TUNAR: variants seen among roughly 807,000 people sequenced by gnomAD.
The protein encoded by TUNAR is protein TUNAR.
chr14:95,903,993 G>T (rs764365933), intron 2 of TUNAR, among the ~76,000 whole-genome samples: 1 of 152,240 alleles, frequency 6.6e-6, no homozygotes, highest in Non-Finnish European at 1.5e-5. Flanking sequence ...TGTAAGGCTG[G>T]CCCAGGAACT....
At chr14:95,904,611 G>C (rs1056525732) in intron 2 of TUNAR, among the ~76,000 whole-genome samples, 7 of 152,206 alleles carry the variant, frequency 4.6e-5, no homozygotes, top group African/African-American at 1.7e-4. Context: ...GCCACACTGT[G>C]TACTGGTAAA....
chr14:95,892,013 G>A (rs767138151), intron 2 of TUNAR, among the ~76,000 whole-genome samples: 1 of 152,180 alleles, frequency 6.6e-6, no homozygotes, highest in African/African-American at 2.4e-5. Flanking sequence ...TTAGTCATTG[G>A]GTTTACTCAC....
rs767517625 is a variant in TUNAR, at chr14:95,885,590, G to C, written c.12+8413G>C. Among the ~76,000 whole-genome samples, 3 of 152,120 alleles carry C rather than the reference G, an allele frequency of 2.0e-5. No homozygotes were observed. The East Asian group carries it at 5.8e-4, about 29-fold the overall frequency. ...CACAGAGGCCTGTTTATTGGGGAGAGGGTACTGTGTTATAGGTCTGTAGAG... is the reference window on the plus strand; with the variant it reads ...CACAGAGGCCTGTTTATTGGGGAGACGGTACTGTGTTATAGGTCTGTAGAG... On this transcript the variant is annotated intron_variant, in intron 2 of 2. Transcript: ENST00000678517.
intron 2 of TUNAR, among the ~76,000 whole-genome samples, chr14:95,900,359 C>CT (rs372219503): frequency 2.7e-4 from 41 of 152,266 alleles, no homozygotes; most frequent in African/African-American, 9.4e-4. Context: ...CTCGGGGGAA[C>CT]TGAGGCAGAC....
At chr14:95,876,925 C>G (rs1888891527) in exon 2 of TUNAR, 1 of 152,268 alleles carries the variant, frequency 6.6e-6, no homozygotes, top group African/African-American at 2.4e-5. Flanking sequence ...GACCAGCAGG[C>G]TGCGCGCACA....
intron 2 of TUNAR, among the ~76,000 whole-genome samples, chr14:95,910,951 C>G (rs577297342): frequency 6.6e-6 from 1 of 152,342 alleles, no homozygotes; most frequent in East Asian, 1.9e-4. Context: ...ATTTTACTTA[C>G]TGTGGTTTGA....
intron 2 of TUNAR, among the ~76,000 whole-genome samples, chr14:95,890,054 G>T (rs902173383): frequency 1.5e-4 from 23 of 152,124 alleles, no homozygotes; most frequent in African/African-American, 5.3e-4. Context: ...AGGCTGGAAG[G>T]CAGTGGCTAT....
chr14:95,919,444 C>G (rs1889656403), intron 2 of TUNAR, among the ~76,000 whole-genome samples: 1 of 152,228 alleles, frequency 6.6e-6, no homozygotes, highest in African/African-American at 2.4e-5. Flanking sequence ...CATGGTGGCT[C>G]ACACTTATGA....
intron 2 of TUNAR, among the ~76,000 whole-genome samples, chr14:95,883,411 C>G (rs1889013881): frequency 6.6e-6 from 1 of 152,174 alleles, no homozygotes; most frequent in African/African-American, 2.4e-5. Context: ...CCAACACACA[C>G]CATCATCCTT....
intron 2 of TUNAR, among the ~76,000 whole-genome samples, chr14:95,892,557 G>T (rs1259805916): frequency 1.3e-5 from 2 of 152,238 alleles, no homozygotes; most frequent in South Asian, 2.1e-4. Flanking sequence ...TGGGGAAGTG[G>T]CATGGAGCTT....
intron 2 of TUNAR, among the ~76,000 whole-genome samples, chr14:95,898,312 T>G (rs1889296085): frequency 6.6e-6 from 1 of 152,236 alleles, no homozygotes; most frequent in South Asian, 2.1e-4. Context: ...ATAAGAATTC[T>G]TCTTCATTCA....
At chr14:95,922,599 C>T (rs150575714) in intron 2 of TUNAR, among the ~76,000 whole-genome samples, 182 bp from the exon 2 acceptor site, 2 of 152,296 alleles carry the variant, frequency 1.3e-5, no homozygotes, top group African/African-American at 2.4e-5. Flanking sequence ...ACCAATTAGC[C>T]GTGTTCTGCC....
chr14:95,881,886 A>G (rs1412093307), intron 2 of TUNAR, among the ~76,000 whole-genome samples: 1 of 152,144 alleles, frequency 6.6e-6, no homozygotes, highest in Non-Finnish European at 1.5e-5. Flanking sequence ...TGCTAACGAT[A>G]CTCAGGCTGG....
chr14:95,907,555 G>C (rs372250009), intron 2 of TUNAR, among the ~76,000 whole-genome samples: 1 of 152,144 alleles, frequency 6.6e-6, no homozygotes. Flanking sequence ...TTCTTGTCCG[G>C]CATCCAGGAA....
chr14:95,916,892 C>T (rs1042307386), intron 2 of TUNAR, among the ~76,000 whole-genome samples: 4 of 152,240 alleles, frequency 2.6e-5, no homozygotes, highest in South Asian at 2.1e-4. Flanking sequence ...AGCTTCTTTA[C>T]GGCTGTTTAC....
At chr14:95,923,516 T>G (rs1236856183) in exon 3 of TUNAR, 1 of 152,220 alleles carries the variant, frequency 6.6e-6, no homozygotes, top group Non-Finnish European at 1.5e-5. Context: ...GTGTATCTGT[T>G]CATGTCAAGG....
chr14:95,924,544 G>A (rs1394286629), exon 3 of TUNAR: 1 of 152,468 alleles, frequency 6.6e-6, no homozygotes, highest in Non-Finnish European at 1.5e-5. Flanking sequence ...AAAGAAAGAG[G>A]TTTATTGGAC....
In TUNAR at chr14:95,895,400, T is replaced by C. The variant is rs755234268; in HGVS notation, c.12+18223T>C. ...GACCTGAGTTCCAGCAAATCACACA[T>C]GTGTGCATGTTGTTAGAGTGTGTGT... is the stretch of plus-strand genomic sequence containing the variant. On this transcript the variant is annotated intron_variant, in intron 2 of 2. Coordinates refer to ENST00000678517, the Ensembl canonical transcript of TUNAR. This position sits in a 1 kb window ranked among gnomAD's most constrained non-coding sequence, Gnocchi z 4.5. Among the ~76,000 whole-genome samples, 8 of 151,986 alleles carry C rather than the reference T, an allele frequency of 5.3e-5. No homozygotes were observed. The highest frequency in any genetic ancestry group is 1.2e-4 in the Non-Finnish European group (8 of 67,990).
intron 2 of TUNAR, among the ~76,000 whole-genome samples, chr14:95,914,127 G>A (rs541681943): frequency 1.2e-4 from 19 of 152,340 alleles, no homozygotes; most frequent in African/African-American, 3.1e-4. Context: ...TAATGAACTA[G>A]TTGGTATTAA....
Sources: gnomAD v4.1 joint callset for allele counts (sites outside exome capture counted in the v4.1 genomes callset) on GRCh38, gnomAD v4.1.1 for gene constraint, Gnocchi (gnomAD v3.1) non-coding constraint, MANE v1.5 for transcripts, NCBI Gene and HGNC (gene_info 2026-07-23, HGNC 2026-07-21) for gene names.